Variants in DCT observed in about 807,000 individuals in gnomAD.
DCT encodes the protein dopachrome tautomerase, also known as L-dopachrome tautomerase.
A neutral mutation model predicts 53.0 loss-of-function variants in DCT; 47 were observed. The ratio of observed to expected loss-of-function variants is 0.89; its 90% confidence interval spans 0.70 to 1.13. The LOEUF (loss-of-function observed/expected upper bound fraction) is 1.13. DCT is among the 50% of genes most tolerant of loss of function. The probability of loss-of-function intolerance (pLI) is 0.00; values close to 1 mark genes in which losing one functional copy is unlikely to be tolerated. For missense variants in DCT, 669 were observed against 637.4 expected (o/e 1.05, Z -0.53); for synonymous variants, 244 against 237.0 (o/e 1.03, Z -0.27).
the DCT span, among the ~76,000 whole-genome samples, chr13:94,502,995 G>A: frequency 6.6e-6 from 1 of 152,126 alleles, no homozygotes; most frequent in Non-Finnish European, 1.5e-5. Flanking sequence ...ACACCGTGGT[G>A]GTTTAAATAA....
chr13:94,514,174 G>A, the DCT span, among the ~76,000 whole-genome samples: 1 of 152,072 alleles, frequency 6.6e-6, no homozygotes, highest in Non-Finnish European at 1.5e-5. Flanking sequence ...GCTGCCTACT[G>A]TGCCGGGAAC....
chr13:94,501,335 C>A, the DCT span, among the ~76,000 whole-genome samples: 2 of 152,018 alleles, frequency 1.3e-5, no homozygotes, highest in Non-Finnish European at 1.5e-5. Flanking sequence ...TCTCTCTGAG[C>A]ATTTATTTTC....
At chr13:94,504,010 T>C in the DCT span, among the ~76,000 whole-genome samples, 98 of 152,368 alleles carry the variant, frequency 6.4e-4, 1 homozygote, top group Admixed American at 1.2e-3. Flanking sequence ...GTTTATGTTG[T>C]TGCTTGGTGA....
At position 94,466,558 on chromosome 13, in the gene DCT, C is replaced by T. The variant is rs574271964; in HGVS notation, c.696G>A (p.Gln232=). 8.1e-6 allele frequency: 13 copies of T among 1,597,324 alleles called. No individual in the cohort carries two copies. The South Asian group carries it at 1.4e-4, about 17-fold the overall frequency. The change falls in exon 3 of 8, where the codon CAG becomes CAA. Residue 232 remains glutamine (Q), a splice_region_variant and synonymous_variant. Transcript: ENST00000377028. ...AACTAAATGCATAGTTTTGACCTAC[C>T]TGGAGATCTCTTTCCAGACACAACA... ...YHLLCLERDL[Q]RLIGNESFAL... is the part of the protein sequence containing the mutation.
the DCT span, among the ~76,000 whole-genome samples, chr13:94,542,654 G>A: frequency 1.3e-5 from 2 of 152,164 alleles, no homozygotes; most frequent in African/African-American, 4.8e-5. Context: ...GAAGTTCTCC[G>A]ATTTTTACTT....
intron 6 of DCT, among the ~76,000 whole-genome samples, chr13:94,455,323 C>T (rs990930831): frequency 3.3e-5 from 5 of 151,148 alleles, no homozygotes; most frequent in Non-Finnish European, 5.9e-5. Flanking sequence ...TTGAGGCTGC[C>T]GTGAGCTATG....
chr13:94,497,108 T>G, the DCT span, among the ~76,000 whole-genome samples: 1 of 152,348 alleles, frequency 6.6e-6, no homozygotes, highest in East Asian at 1.9e-4. Flanking sequence ...ATTTTCTGGA[T>G]GAAATTAACA....
chr13:94,499,447 G>T, the DCT span, among the ~76,000 whole-genome samples: 13 of 151,910 alleles, frequency 8.6e-5, no homozygotes, highest in South Asian at 2.1e-4. Context: ...AAGGACCAAA[G>T]GAGTGTGCAT....
rs1882083659 is a variant in DCT at position 94,439,021 on chromosome 13, A to G, written c.*877T>C. On this transcript the variant is annotated 3_prime_UTR_variant, in exon 8 of 8. Transcript: ENST00000377028. The stretch of plus-strand genomic sequence containing the variant: ...GTCAAATTGTCTCATGTTCAGGTTT[A>G]CAGCCTCACCAGCCTTCAGTCAGCC... 1.1e-5 allele frequency: 2 copies of G among 187,536 alleles called. No homozygotes were observed. The highest frequency in any genetic ancestry group is 5.9e-5 in the Admixed American group (1 of 16,972). The allele number at this position is 187,536 out of a possible 1,614,324, so 11.6% of individuals were successfully genotyped here. A position where few individuals can be genotyped will look rare whatever the true frequency, so the allele number is the denominator to read the frequency against.
chr13:94,499,296 G>T, the DCT span, among the ~76,000 whole-genome samples: 4 of 152,140 alleles, frequency 2.6e-5, no homozygotes, highest in Admixed American at 6.5e-5. Context: ...CTTCATTTTT[G>T]AAGGCAGTGA....
chr13:94,480,527 T>C (rs1885396967), upstream of DCT, among the ~76,000 whole-genome samples: 1 of 152,228 alleles, frequency 6.6e-6, no homozygotes, highest in Non-Finnish European at 1.5e-5. Flanking sequence ...TACTTGAATG[T>C]AAAGACACAT....
rs140917943 is a variant in DCT at position 94,462,076 on chromosome 13, C to T, written c.977G>A (p.Arg326Gln). The change falls in exon 5 of 8, where the codon CGA (arginine) becomes CAA (glutamine). Residue 326 changes from arginine to glutamine, a missense_variant. By Grantham distance (43) the Arg-to-Gln change is conservative. Transcript: ENST00000377028. ...SMKLPTLKDI[R>Q]DCLSLQKFDN... ...AAACTTCTGGAGAGACAGGCAATCTCGTATGTCTTTTAAGGTTGGCAATTT... is the reference window on the plus strand; with the variant it reads ...AAACTTCTGGAGAGACAGGCAATCTTGTATGTCTTTTAAGGTTGGCAATTT... 1.4e-4 allele frequency: 227 copies of T among 1,612,926 alleles called. 2 individuals are homozygous for T. The African/African-American group carries it at 2.2e-3, about 16-fold the overall frequency.
At chr13:94,490,830 T>G in the DCT span, among the ~76,000 whole-genome samples, 1 of 152,214 alleles carries the variant, frequency 6.6e-6, no homozygotes, top group African/African-American at 2.4e-5. Flanking sequence ...ACAAGATAAT[T>G]TCATAGAGGT....
chr13:94,546,612 C>G, the DCT span, among the ~76,000 whole-genome samples: 1 of 152,104 alleles, frequency 6.6e-6, no homozygotes, highest in Non-Finnish European at 1.5e-5. This position sits in a 1 kb window ranked among gnomAD's most constrained non-coding sequence, Gnocchi z 4.2. Flanking sequence ...GAGAGCCCCC[C>G]TCCCCACCAA....
At chr13:94,471,356 C>G (rs144073081) in intron 1 of DCT, among the ~76,000 whole-genome samples, 44 of 152,000 alleles carry the variant, frequency 2.9e-4, no homozygotes, top group African/African-American at 1.0e-3. Flanking sequence ...CTGTATTTTT[C>G]TTTTACAGCA....
At chr13:94,514,872 T>G in the DCT span, among the ~76,000 whole-genome samples, 1 of 152,326 alleles carries the variant, frequency 6.6e-6, no homozygotes, top group African/African-American at 2.4e-5. Context: ...TGGAAAAAGT[T>G]AACTAGGTTT....
At position 94,438,510 on chromosome 13, in the gene DCT, G is replaced by A. The variant is rs1036058205; in HGVS notation, c.*1388C>T. The stretch of plus-strand genomic sequence containing the variant: ...CCCCTTATGTTGAAGGCAGCTCCAG[G>A]GACCTCTTAACACCCATTCTTTACA... On this transcript the variant is annotated 3_prime_UTR_variant, in exon 8 of 8. Transcript: ENST00000377028. The A allele has an allele frequency of 1.6e-5, 7 of 442,540 alleles. No homozygotes were observed. In the Admixed American group the frequency reaches 1.7e-4, roughly 11 times the overall value. The allele number at this position is 442,540 out of a possible 1,614,324, so 27.4% of individuals were successfully genotyped here. A position where few individuals can be genotyped will look rare whatever the true frequency, so the allele number is the denominator to read the frequency against.
rs1338770848 is a variant in DCT, at chr13:94,438,067, T to A, written c.*1831A>T. On this transcript the variant is annotated 3_prime_UTR_variant, in exon 8 of 8. Transcript: ENST00000377028. ...TATAAAAAGTAACTTCTGGCGCTTT[T>A]AACATAATTGATTTATACATAACTT... The A allele has an allele frequency of 1.3e-5, 2 of 152,232 alleles. No individual in the cohort carries two copies. Among genetic ancestry groups the A allele is most frequent in the Non-Finnish European group, 2.9e-5 (2 of 68,040 alleles). The allele number at this position is 152,232 out of a possible 1,614,324, so 9.4% of individuals were successfully genotyped here.
the DCT span, among the ~76,000 whole-genome samples, chr13:94,486,525 T>G: frequency 6.6e-6 from 1 of 152,188 alleles, no homozygotes; most frequent in African/African-American, 2.4e-5. Context: ...CATTAGGGCA[T>G]GATTTGGAAA....
Sources: gnomAD v4.1 joint callset for allele counts (sites outside exome capture counted in the v4.1 genomes callset) on GRCh38, gnomAD v4.1.1 for gene constraint, Gnocchi (gnomAD v3.1) non-coding constraint, MANE v1.5 for transcripts, NCBI Gene and HGNC (gene_info 2026-07-23, HGNC 2026-07-21) for gene names.